RRAS2: variants seen among roughly 807,000 people sequenced by gnomAD.
The protein encoded by RRAS2 is RAS related 2.
Under a neutral mutation model 27.6 loss-of-function variants are expected in RRAS2, and 7 were observed. The observed-to-expected ratio is 0.25, with a 90% confidence interval of 0.14 to 0.48. RRAS2 has a LOEUF of 0.48. Among genes scored for constraint, RRAS2 ranks in the 20% least tolerant of loss-of-function variants. The probability of loss-of-function intolerance (pLI) is 0.99; values close to 1 mark genes in which losing one functional copy is unlikely to be tolerated. For missense variants in RRAS2, 178 were observed against 256.2 expected (o/e 0.69, Z 2.08); for synonymous variants, 86 against 90.9 (o/e 0.95, Z 0.31).
At chr11:14,305,302 T>C (rs940078766) in intron 1 of RRAS2, among the ~76,000 whole-genome samples, 1 of 152,230 alleles carries the variant, frequency 6.6e-6, no homozygotes, top group Non-Finnish European at 1.5e-5. Flanking sequence ...TTTGGAGTTT[T>C]TTCCTAAATT....
At chr11:14,304,352 T>G (rs1339748953) in intron 1 of RRAS2, among the ~76,000 whole-genome samples, 1 of 152,142 alleles carries the variant, frequency 6.6e-6, no homozygotes, top group African/African-American at 2.4e-5. Flanking sequence ...CCAAAAACAT[T>G]GTCTTAGAAC....
intron 1 of RRAS2, among the ~76,000 whole-genome samples, chr11:14,332,718 T>C (rs984060438): frequency 7.9e-5 from 12 of 152,116 alleles, no homozygotes; most frequent in Non-Finnish European, 1.5e-4. Context: ...GATAGAAATG[T>C]CCTATATGTG....
chr11:14,360,291 C>T (rs1280602834), upstream of RRAS2, among the ~76,000 whole-genome samples: 1 of 152,042 alleles, frequency 6.6e-6, no homozygotes, highest in African/African-American at 2.4e-5. Flanking sequence ...TCAGCCTAAT[C>T]GAGCCTTCCA....
intron 1 of RRAS2, among the ~76,000 whole-genome samples, chr11:14,334,513 T>C (rs782239871): frequency 5.9e-5 from 9 of 151,662 alleles, no homozygotes; most frequent in Non-Finnish European, 1.3e-4. Flanking sequence ...TAAAACTTTT[T>C]TGAAAAGCAT....
rs1400691181 is a variant in RRAS2 at position 14,358,070 on chromosome 11, G to C, written c.108+693C>G. ...CCCGGCCCATCCCAAACTTCACCTA[G>C]GCACGGCGAGAAGCAGGACGGCATC... On this transcript the variant is annotated intron_variant, in intron 1 of 5. Transcript: ENST00000256196. This position sits in a 1 kb window ranked among gnomAD's most constrained non-coding sequence, Gnocchi z 5.1. Among the ~76,000 whole-genome samples, 5 of 152,068 alleles carry C rather than the reference G, an allele frequency of 3.3e-5. No homozygotes were observed. The highest frequency in any genetic ancestry group is 7.4e-5 in the Non-Finnish European group (5 of 68,016).
chr11:14,358,910 CGCT>C lies in RRAS2; in HGVS notation c.-43_-41del, dbSNP rs1554955872. 1.5e-6 allele frequency: 2 copies of C among 1,314,408 alleles called. No homozygotes were observed. The highest frequency in any genetic ancestry group is 1.8e-5 in the South Asian group (1 of 55,936). The allele number at this position is 1,314,408 out of a possible 1,614,324, so 81.4% of individuals were successfully genotyped here. A position where few individuals can be genotyped will look rare whatever the true frequency, so the allele number is the denominator to read the frequency against. The stretch of plus-strand genomic sequence containing the variant: ...GCCCAGCCTGACTGCGCCGAGCCGC[CGCT>C]GCCGCCCGCCCTAGGCCCGGCTCCG... On this transcript the variant is annotated 5_prime_UTR_variant, in exon 1 of 6. Transcript: ENST00000256196. This position sits in a 1 kb window ranked among gnomAD's most constrained non-coding sequence, Gnocchi z 5.1.
chr11:14,288,924 G>A (rs1009868625), intron 4 of RRAS2, among the ~76,000 whole-genome samples: 2 of 152,172 alleles, frequency 1.3e-5, no homozygotes, highest in African/African-American at 4.8e-5. Flanking sequence ...TTAACTCACT[G>A]GCACCCAGAT....
intron 1 of RRAS2, among the ~76,000 whole-genome samples, chr11:14,303,870 T>TTCATA (rs1847770672): frequency 6.6e-6 from 1 of 152,076 alleles, no homozygotes; most frequent in South Asian, 2.1e-4. Flanking sequence ...AAGTGTGATG[T>TTCATA]TCATACCAAC....
chr11:14,307,113 C>A (rs1360244778), intron 1 of RRAS2, among the ~76,000 whole-genome samples: 1 of 151,670 alleles, frequency 6.6e-6, no homozygotes, highest in African/African-American at 2.4e-5. Flanking sequence ...ATCATGGGAG[C>A]TCGGGAAGTC....
In RRAS2 at chr11:14,358,132, A is replaced by T. The variant is rs2134047568; in HGVS notation, c.108+631T>A. On this transcript the variant is annotated intron_variant, in intron 1 of 5. Coordinates refer to ENST00000256196, the MANE Select transcript of RRAS2 (RefSeq NM_012250.6). The surrounding 1 kb of genome is among the most constrained non-coding windows in gnomAD (Gnocchi z 5.1). Reference sequence around the variant, plus strand: ...GGAAATGGTCTCACCCCATCAGAGAACATTTTTAACTTCCTAGAAGCCACC... The same window carrying T: ...GGAAATGGTCTCACCCCATCAGAGATCATTTTTAACTTCCTAGAAGCCACC... 1 of 750,828 alleles carries T rather than the reference A, an allele frequency of 1.3e-6. No individual in the cohort carries two copies. The highest frequency in any genetic ancestry group is 1.9e-5 in the African/African-American group (1 of 52,778). The allele number at this position is 750,828 out of a possible 1,614,324, so 46.5% of individuals were successfully genotyped here. A position where few individuals can be genotyped will look rare whatever the true frequency, so the allele number is the denominator to read the frequency against.
intron 1 of RRAS2, among the ~76,000 whole-genome samples, chr11:14,322,450 A>G (rs1254456471): frequency 6.6e-6 from 1 of 152,154 alleles, no homozygotes; most frequent in Non-Finnish European, 1.5e-5. Flanking sequence ...CTCAAAAAAA[A>G]AAACACAAAG....
In RRAS2 at chr11:14,317,010, T is replaced by C. The variant is rs558834849; in HGVS notation, c.109-21155A>G. Among the ~76,000 whole-genome samples the C allele has an allele frequency of 1.4e-4, 22 of 152,284 alleles. No individual in the cohort carries two copies. The South Asian group carries it at 4.6e-3, about 32-fold the overall frequency. ...GAAAATGCACCTAATTACAGAGGTG[T>C]TAAAATAAGAAATTTTTTAATGTGT... On this transcript the variant is annotated intron_variant, in intron 1 of 5. Coordinates refer to ENST00000256196, the MANE Select transcript of RRAS2 (RefSeq NM_012250.6).
chr11:14,286,463 C>T (rs1554945046), intron 4 of RRAS2, among the ~76,000 whole-genome samples: 1 of 152,202 alleles, frequency 6.6e-6, no homozygotes, highest in African/African-American at 2.4e-5. Flanking sequence ...CAAAACCCTT[C>T]TGAGTTATAC....
At chr11:14,345,898 A>G (rs1591487031) in intron 1 of RRAS2, among the ~76,000 whole-genome samples, 2 of 152,334 alleles carry the variant, frequency 1.3e-5, no homozygotes, top group African/African-American at 2.4e-5. Context: ...ACCAGCTCTT[A>G]ACTTCCTAAA....
At chr11:14,364,406 A>T in exon 1 of RRAS2, 1 of 1,535,868 alleles carries the variant, frequency 6.5e-7, no homozygotes, top group Non-Finnish European at 8.7e-7. Context: ...GTGATGGAGG[A>T]GCATCATCCA....
rs59024054 is a variant in RRAS2 at position 14,294,235 on chromosome 11, T to G, written c.408+236A>C. ...GCAGGCTTATAAAGTCTTATAAAAT[T>G]TTATGAAAAACTATTTGAAAATAAG... On this transcript the variant is annotated intron_variant, in intron 4 of 5. Coordinates refer to ENST00000256196, the MANE Select transcript of RRAS2 (RefSeq NM_012250.6). Among the ~76,000 whole-genome samples, 387 of 152,344 alleles carry G rather than the reference T, an allele frequency of 2.5e-3. 2 individuals carry two copies. The highest frequency in any genetic ancestry group is 8.7e-3 in the African/African-American group (360 of 41,588).
intron 1 of RRAS2, among the ~76,000 whole-genome samples, chr11:14,332,080 T>A (rs1456588964): frequency 6.6e-6 from 1 of 152,322 alleles, no homozygotes; most frequent in Non-Finnish European, 1.5e-5. Context: ...TTGCTGGGAA[T>A]GTAAAATGGT....
chr11:14,327,265 C>T (rs1848381557), intron 1 of RRAS2, among the ~76,000 whole-genome samples: 2 of 152,260 alleles, frequency 1.3e-5, no homozygotes, highest in Middle Eastern at 3.4e-3. Context: ...TGAGTGTACT[C>T]ACTTCAAGTG....
intron 1 of RRAS2, among the ~76,000 whole-genome samples, chr11:14,296,627 T>C (rs1847558717): frequency 2.0e-5 from 3 of 152,198 alleles, no homozygotes; most frequent in Admixed American, 6.5e-5. Flanking sequence ...ATCTTATACC[T>C]TTCTTTTCTC....
Sources: gnomAD v4.1 joint callset for allele counts (sites outside exome capture counted in the v4.1 genomes callset) on GRCh38, gnomAD v4.1.1 for gene constraint, Gnocchi (gnomAD v3.1) non-coding constraint, MANE v1.5 for transcripts, NCBI Gene and HGNC (gene_info 2026-07-23, HGNC 2026-07-21) for gene names.